The following ADCY2 variants were observed in gnomAD, a reference collection of about 807,000 sequenced individuals.
ADCY2 encodes adenylate cyclase type 2.
ADCY2 carries 31 observed loss-of-function variants against 125.2 expected under a neutral mutation model. That is an observed-to-expected ratio of 0.25 (90% CI 0.19 to 0.33). ADCY2 has a LOEUF of 0.33. Ranked by LOEUF, ADCY2 falls within the 10% of genes least tolerant of loss-of-function variation. The probability of loss-of-function intolerance (pLI) is 1.00; values close to 1 mark genes in which losing one functional copy is unlikely to be tolerated. For missense variants in ADCY2, 904 were observed against 1,418.2 expected (o/e 0.64, Z 5.82); for synonymous variants, 512 against 548.4 (o/e 0.93, Z 0.93).
chr5:7,405,429 G>A (rs1184160083), intron 1 of ADCY2, among the ~76,000 whole-genome samples: 2 of 151,570 alleles, frequency 1.3e-5, no homozygotes, highest in African/African-American at 2.4e-5. Context: ...TTAGTTAATC[G>A]CTGGATTACT....
chr5:7,628,744 A>G (rs1428788572), intron 4 of ADCY2, among the ~76,000 whole-genome samples: 1 of 151,990 alleles, frequency 6.6e-6, no homozygotes, highest in Non-Finnish European at 1.5e-5. Flanking sequence ...TTCGGAGAAT[A>G]TGTGTCTACG....
chr5:7,769,492 C>A (rs1460968), intron 17 of ADCY2, among the ~76,000 whole-genome samples: 125,275 of 152,168 alleles, frequency 0.82, 52,130 homozygotes, highest in Non-Finnish European at 0.86. Flanking sequence ...CTGGAAACAC[C>A]TATACAAATA....
chr5:7,681,705 C>A (rs921010565), intron 4 of ADCY2, among the ~76,000 whole-genome samples: 2 of 152,050 alleles, frequency 1.3e-5, no homozygotes, highest in South Asian at 4.2e-4. Flanking sequence ...TGGGAGTTTG[C>A]CGACAGTGTG....
At chr5:7,403,953 C>CACAT (rs1298670449) in intron 1 of ADCY2, among the ~76,000 whole-genome samples, 2 of 151,784 alleles carry the variant, frequency 1.3e-5, no homozygotes, top group Non-Finnish European at 2.9e-5. Flanking sequence ...CACACACACA[C>CACAT]ACACACACAC....
chr5:7,633,193 G>A (rs1406928588), intron 4 of ADCY2, among the ~76,000 whole-genome samples: 1 of 151,994 alleles, frequency 6.6e-6, no homozygotes, highest in East Asian at 1.9e-4. Context: ...CACTTTGGGA[G>A]GCCGAGGCGG....
intron 2 of ADCY2, 101 bp from the exon 3 acceptor site, chr5:7,520,637 G>T (rs991377955): frequency 8.5e-6 from 11 of 1,298,854 alleles, no homozygotes; most frequent in African/African-American, 4.4e-5. Flanking sequence ...AAATGAGCAT[G>T]TCTCATGCTG....
At chr5:7,574,265 G>T (rs1310324603) in intron 3 of ADCY2, among the ~76,000 whole-genome samples, 2 of 149,376 alleles carry the variant, frequency 1.3e-5, no homozygotes, top group African/African-American at 4.9e-5. Context: ...TAGTCATTTG[G>T]GTATATACCC....
chr5:7,797,977 G>A (rs1744478015), intron 20 of ADCY2: 1 of 152,462 alleles, frequency 6.6e-6, no homozygotes, highest in Admixed American at 6.5e-5. Context: ...GGTGCTGATG[G>A]GGCATCTGGG....
rs560519572 is a variant in ADCY2 at position 7,582,528 on chromosome 5, T to C, written c.571-43639T>C. On this transcript the variant is annotated intron_variant, in intron 3 of 24. Coordinates refer to ENST00000338316, the MANE Select transcript of ADCY2 (RefSeq NM_020546.3). Reference sequence around the variant, plus strand: ...ATACACAAAATTCTTACTAAAATCTTAGCAAATAAAATCCACCAATATATA... The same window carrying C: ...ATACACAAAATTCTTACTAAAATCTCAGCAAATAAAATCCACCAATATATA... Among the ~76,000 whole-genome samples, 25 of 152,254 alleles carry C rather than the reference T, an allele frequency of 1.6e-4. No homozygotes were observed. The South Asian group carries it at 5.0e-3, about 30-fold the overall frequency.
chr5:7,566,978 A>G (rs1259304638), intron 3 of ADCY2, among the ~76,000 whole-genome samples: 1 of 152,214 alleles, frequency 6.6e-6, no homozygotes, highest in African/African-American at 2.4e-5. Flanking sequence ...TTTTAAAATA[A>G]TTCTAAGTAG....
At chr5:7,500,126 G>A (rs2126502080) in intron 2 of ADCY2, among the ~76,000 whole-genome samples, 1 of 152,228 alleles carries the variant, frequency 6.6e-6, no homozygotes, top group African/African-American at 2.4e-5. Flanking sequence ...AGCTGATCTT[G>A]GATGTTTCTT....
Position 7,597,583 on chromosome 5 carries a change from T to G in ADCY2, c.571-28584T>G, listed in dbSNP as rs149805301. ...TAAGCCCAGGAGTGCAAGATGAGCC[T>G]GAGCAACATGACAAAAACCCATCTG... On this transcript the variant is annotated intron_variant, in intron 3 of 24. Transcript: ENST00000338316. 2.6e-5 allele frequency among the ~76,000 whole-genome samples: 4 copies of G among 152,256 alleles called. No individual in the cohort carries two copies. In the East Asian group the frequency reaches 7.7e-4, roughly 29 times the overall value.
chr5:7,487,146 T>C (rs575640027), intron 2 of ADCY2, among the ~76,000 whole-genome samples: 2 of 152,216 alleles, frequency 1.3e-5, no homozygotes, highest in Non-Finnish European at 2.9e-5. Flanking sequence ...GAAAGTATTA[T>C]GGTCCTTGAT....
chr5:7,536,638 T>A (rs889545101), intron 3 of ADCY2, among the ~76,000 whole-genome samples: 1 of 152,236 alleles, frequency 6.6e-6, no homozygotes, highest in African/African-American at 2.4e-5. Flanking sequence ...CTTCTGTATA[T>A]CAAAACCCAT....
At chr5:7,762,766 C>T (rs1198126137) in intron 16 of ADCY2, among the ~76,000 whole-genome samples, 2 of 152,016 alleles carry the variant, frequency 1.3e-5, no homozygotes, top group African/African-American at 4.8e-5. Flanking sequence ...CTGATGGAGC[C>T]CCATCCCCAA....
At chr5:7,745,821 G>T (rs891141142) in intron 15 of ADCY2, among the ~76,000 whole-genome samples, 2 of 152,166 alleles carry the variant, frequency 1.3e-5, no homozygotes, top group Non-Finnish European at 2.9e-5. Context: ...GGATATGGGG[G>T]CATGTGGTAT....
intron 4 of ADCY2, among the ~76,000 whole-genome samples, chr5:7,679,883 C>T (rs1490074842): frequency 1.3e-5 from 2 of 152,204 alleles, no homozygotes; most frequent in South Asian, 2.1e-4. Flanking sequence ...GTACGTCTCA[C>T]CCAGAATAGA....
At chr5:7,469,277 G>A (rs1177840144) in intron 2 of ADCY2, among the ~76,000 whole-genome samples, 1 of 150,124 alleles carries the variant, frequency 6.7e-6, no homozygotes, top group Admixed American at 6.6e-5. Context: ...TACAATATGT[G>A]TGACTATATG....
chr5:7,500,427 A>T (rs1211113711), intron 2 of ADCY2, among the ~76,000 whole-genome samples: 1 of 152,222 alleles, frequency 6.6e-6, no homozygotes, highest in African/African-American at 2.4e-5. Flanking sequence ...TTTACAGTGG[A>T]GAACTCTGAC....
Sources: allele counts gnomAD v4.1 joint callset (sites outside exome capture counted in the v4.1 genomes callset), GRCh38; gene constraint gnomAD v4.1.1; transcripts MANE v1.5; gene names NCBI Gene and HGNC (gene_info 2026-07-23, HGNC 2026-07-21).